The following PBLD variants were observed in gnomAD, a reference collection of about 807,000 sequenced individuals.
PBLD encodes the protein phenazine biosynthesis-like domain-containing protein.
PBLD carries 26 observed loss-of-function variants against 31.3 expected under a neutral mutation model. That is an observed-to-expected ratio of 0.83 (90% CI 0.61 to 1.15). The LOEUF is 1.15. Among genes scored for constraint, PBLD ranks in the 50% most tolerant of loss-of-function variants. The pLI is 0.00. For missense variants in PBLD, 307 were observed against 351.7 expected, an observed-to-expected ratio of 0.87 and a Z score of 1.02; for synonymous variants, 114 against 129.0, an observed-to-expected ratio of 0.88 and a Z score of 0.79.
chr10:68,327,410 T>C (rs2044939712), intron 1 of PBLD, among the ~76,000 whole-genome samples: 1 of 152,078 alleles, frequency 6.6e-6, no homozygotes, highest in Non-Finnish European at 1.5e-5. Context: ...CTGGGCGCTG[T>C]GGCTCACGCC....
chr10:68,306,928 G>A (rs2044588789), intron 1 of PBLD, 25 bp from the exon 2 acceptor site: 1 of 1,112,614 alleles, frequency 9.0e-7, no homozygotes, highest in Admixed American at 2.0e-5. Flanking sequence ...AAATCAAAAA[G>A]TTAATGTTTT....
intron 4 of PBLD, 31 bp downstream of exon 4, chr10:68,296,235 G>T: frequency 6.6e-7 from 1 of 1,504,904 alleles, no homozygotes; most frequent in Non-Finnish European, 9.1e-7. Flanking sequence ...CATTTGCTAA[G>T]TGTTAGATTC....
At position 68,292,182 on chromosome 10, in the gene PBLD, G is replaced by C; in HGVS notation, c.340C>G (p.Arg114Gly). 1.2e-6 allele frequency: 2 copies of C among 1,613,790 alleles called. No homozygotes were observed. The highest frequency in any genetic ancestry group is 1.7e-6 in the Non-Finnish European group (2 of 1,180,032). The change falls in exon 5 of 10, where the codon CGA becomes GGA. Residue 114 changes from arginine (R) to glycine (G), a missense_variant. Coordinates refer to ENST00000358769, the MANE Select transcript of PBLD (RefSeq NM_022129.4). ...TCCAGGACGATGCCATCCTCTGCTCGTCTGGCCCTTAGTTCTCCACTCAGA... is the reference window on the plus strand; with the variant it reads ...TCCAGGACGATGCCATCCTCTGCTCCTCTGGCCCTTAGTTCTCCACTCAGA... ...VTLSGELRAR[R>G]AEDGIVLDLP...
intron 2 of PBLD, among the ~76,000 whole-genome samples, chr10:68,298,123 T>C (rs571114659): frequency 6.6e-6 from 1 of 152,020 alleles, no homozygotes; most frequent in Non-Finnish European, 1.5e-5. Flanking sequence ...GGCATGGTGG[T>C]GCTTGCTTAT....
chr10:68,296,205 G>A (rs865861160), intron 4 of PBLD, 61 bp downstream of exon 4: 33 of 1,254,562 alleles, frequency 2.6e-5, no homozygotes, highest in Middle Eastern at 3.9e-4. Flanking sequence ...GTGTGTGTGA[G>A]AACTTAAAAA....
chr10:68,304,446 C>A (rs1278420052), intron 2 of PBLD, among the ~76,000 whole-genome samples: 1 of 152,198 alleles, frequency 6.6e-6, no homozygotes, highest in African/African-American at 2.4e-5. Flanking sequence ...CTTTTTCCTT[C>A]TTCCATTCAT....
At chr10:68,332,374 C>T (rs1434758754) in intron 1 of PBLD, 3 of 152,224 alleles carry the variant, frequency 2.0e-5, no homozygotes. Context: ...CCCCGACCAT[C>T]TCCCACTTCA....
intron 2 of PBLD, among the ~76,000 whole-genome samples, chr10:68,302,283 T>C (rs2044515067): frequency 6.6e-6 from 1 of 152,244 alleles, no homozygotes; most frequent in Admixed American, 6.5e-5. Flanking sequence ...ATGTTTGCCT[T>C]TCTGAATTCC....
intron 1 of PBLD, among the ~76,000 whole-genome samples, chr10:68,332,522 GC>G (rs1394794351): frequency 6.6e-6 from 1 of 152,226 alleles, no homozygotes; most frequent in African/African-American, 2.4e-5. Flanking sequence ...CAGTGGCGCG[GC>G]CACCTCGGCT....
At chr10:68,310,168 A>G (rs1227729284) in intron 1 of PBLD, among the ~76,000 whole-genome samples, 1 of 149,954 alleles carries the variant, frequency 6.7e-6, no homozygotes, top group Admixed American at 6.8e-5. Flanking sequence ...GAGTACGGGC[A>G]TTCAAAGTGT....
intron 8 of PBLD, among the ~76,000 whole-genome samples, chr10:68,286,421 G>A (rs978088685): frequency 6.6e-6 from 1 of 151,654 alleles, no homozygotes; most frequent in African/African-American, 2.4e-5. Flanking sequence ...TCCAGGGAAA[G>A]TATCTCCTTC....
intron 8 of PBLD, among the ~76,000 whole-genome samples, chr10:68,286,158 G>A (rs2044285869): frequency 7.6e-6 from 1 of 131,364 alleles, no homozygotes; most frequent in African/African-American, 2.8e-5. Context: ...CACAATCTCG[G>A]CTCACTACAA....
At chr10:68,290,937 G>A (rs1278878595) in intron 6 of PBLD, among the ~76,000 whole-genome samples, 1 of 152,110 alleles carries the variant, frequency 6.6e-6, no homozygotes, top group Non-Finnish European at 1.5e-5. Flanking sequence ...AATTTGGCTT[G>A]TCTCCAAAAC....
At chr10:68,310,910 C>T (rs912977947) in intron 1 of PBLD, among the ~76,000 whole-genome samples, 1 of 152,118 alleles carries the variant, frequency 6.6e-6, no homozygotes, top group Non-Finnish European at 1.5e-5. Context: ...ATTTAACACA[C>T]CCAACCTACC....
intron 1 of PBLD, among the ~76,000 whole-genome samples, chr10:68,320,074 C>G (rs1401885184): frequency 6.6e-6 from 1 of 152,032 alleles, no homozygotes; most frequent in South Asian, 2.1e-4. Flanking sequence ...CTGCCCGTCT[C>G]GGCCTCCCAA....
chr10:68,318,691 T>C (rs928926925), intron 1 of PBLD, among the ~76,000 whole-genome samples: 14 of 152,134 alleles, frequency 9.2e-5, no homozygotes, highest in African/African-American at 3.4e-4. Flanking sequence ...AAGTTTCTGT[T>C]AATCTAAACT....
rs2044248358 is a variant in PBLD, at chr10:68,283,055, T to C, written c.*1122A>G. The C allele has an allele frequency of 6.6e-6, 1 of 152,174 alleles. No individual in the cohort carries two copies. The highest frequency in any genetic ancestry group is 1.5e-5 in the Non-Finnish European group (1 of 68,036). The allele number at this position is 152,174 out of a possible 1,614,324, so 9.4% of individuals were successfully genotyped here. Reference sequence around the variant, plus strand: ...AAAAGATTGAAATTACATTCCTTTTTTTTTTTTTAATAGAGACAAGTTCTC... The same window carrying C: ...AAAAGATTGAAATTACATTCCTTTTCTTTTTTTTAATAGAGACAAGTTCTC... On this transcript the variant is annotated 3_prime_UTR_variant, in exon 10 of 10. Coordinates refer to ENST00000358769, the MANE Select transcript of PBLD (RefSeq NM_022129.4).
At chr10:68,319,700 G>A (rs377326441) in intron 1 of PBLD, among the ~76,000 whole-genome samples, 4 of 151,676 alleles carry the variant, frequency 2.6e-5, no homozygotes, top group Non-Finnish European at 5.9e-5. Flanking sequence ...CGGCCAGGGC[G>A]ACAGACAAAG....
rs772448318 is a variant in PBLD, at chr10:68,288,465, G to T, written c.691+18C>A. On this transcript the variant is annotated intron_variant, in intron 8 of 9. Coordinates refer to ENST00000358769, the MANE Select transcript of PBLD (RefSeq NM_022129.4). ...TCTTCCATTGTTTAACCCTCCCCTG[G>T]GCTCAAGTAAAAAGTACCTGTCACT... 1.2e-6 allele frequency: 2 copies of T among 1,610,846 alleles called. No homozygotes were observed. Among genetic ancestry groups the T allele is most frequent in the African/African-American group, 2.7e-5 (2 of 74,722 alleles).
Sources: allele counts gnomAD v4.1 joint callset (sites outside exome capture counted in the v4.1 genomes callset), GRCh38; gene constraint gnomAD v4.1.1; transcripts MANE v1.5; gene names NCBI Gene and HGNC (gene_info 2026-07-23, HGNC 2026-07-21).